PARP8: variants seen among roughly 807,000 people sequenced by gnomAD.
The protein encoded by PARP8 is poly(ADP-ribose) polymerase family member 8.
PARP8 carries 51 observed loss-of-function variants against 124.1 expected under a neutral mutation model. The observed-to-expected ratio is 0.41, with a 90% CI of 0.33 to 0.52. The LOEUF (loss-of-function observed/expected upper bound fraction) is 0.52. Ranked by LOEUF, PARP8 falls within the 20% of genes least tolerant of loss-of-function variation. The pLI, the probability that PARP8 is intolerant of heterozygous loss-of-function variation, is 0.21. For synonymous variants in PARP8, 391 were observed against 361.5 expected, an observed-to-expected ratio of 1.08 and a Z score of -0.93; for missense variants, 860 against 1,018.9, an observed-to-expected ratio of 0.84 and a Z score of 2.12.
At chr5:50,811,892 T>TGAA (rs1744494048) in intron 14 of PARP8, among the ~76,000 whole-genome samples, 1 of 152,186 alleles carries the variant, frequency 6.6e-6, no homozygotes, top group African/African-American at 2.4e-5. Flanking sequence ...TCCAGCTTCA[T>TGAA]CCATGTTGCT....
Position 50,845,948 on chromosome 5 carries a change from G to T in PARP8, c.*3880G>T, listed in dbSNP as rs1414973097. 6.6e-6 allele frequency: 1 copy of T among 151,762 alleles called. No homozygotes were observed. Among genetic ancestry groups the T allele is most frequent in the East Asian group, 1.9e-4 (1 of 5,150 alleles). 9.4% of individuals were successfully genotyped at this position (151,762 alleles called of 1,614,324 possible). A position where few individuals can be genotyped will look rare whatever the true frequency, so the allele number is the denominator to read the frequency against. On this transcript the variant is annotated 3_prime_UTR_variant, in exon 26 of 26. Transcript: ENST00000281631. ...CCAGTAAATTCTTCTTGGGAATTTT[G>T]TATACATTATGGAATATTAGGATAA... is the stretch of plus-strand genomic sequence containing the variant.
chr5:50,758,974 G>A (rs1760257003), intron 3 of PARP8, among the ~76,000 whole-genome samples: 1 of 152,200 alleles, frequency 6.6e-6, no homozygotes, highest in South Asian at 2.1e-4. Context: ...AATGATAATT[G>A]TGAGACTTTA....
intron 2 of PARP8, among the ~76,000 whole-genome samples, chr5:50,684,143 T>A (rs929185729): frequency 1.1e-4 from 17 of 152,178 alleles, no homozygotes; most frequent in Non-Finnish European, 2.1e-4. Flanking sequence ...TAATCTTTCT[T>A]CTCAGTCTGA....
intron 2 of PARP8, among the ~76,000 whole-genome samples, chr5:50,716,369 C>T (rs1000875890): frequency 6.6e-6 from 1 of 152,052 alleles, no homozygotes; most frequent in Non-Finnish European, 1.5e-5. Flanking sequence ...GCGGCTTCTC[C>T]TCTGTGAAGT....
At chr5:50,778,306 A>G (rs958108964) in intron 8 of PARP8, among the ~76,000 whole-genome samples, 177 bp downstream of exon 8, 8 of 152,182 alleles carry the variant, frequency 5.3e-5, no homozygotes, top group African/African-American at 1.4e-4. Flanking sequence ...TTGTAAACAT[A>G]TATTTGCATT....
rs1182896661 is a variant in PARP8, at chr5:50,718,185, ATAATCATCAAGGAAT to A, written c.147-31963_147-31949del. ...CAAGTGAAGTTGAAGAGGTGAGAAT[ATAATCATCAAGGAAT>A]TACACAGTTGTGACCAGTTGAAAAT... On this transcript the variant is annotated intron_variant, in intron 2 of 25. Transcript: ENST00000281631. 2.0e-5 allele frequency among the ~76,000 whole-genome samples: 3 copies of A among 152,066 alleles called. No individual in the cohort carries two copies. In the East Asian group the frequency reaches 5.8e-4, roughly 29 times the overall value.
At chr5:50,821,451 A>G in intron 16 of PARP8, 113 bp downstream of exon 16, 1 of 1,171,994 alleles carries the variant, frequency 8.5e-7, no homozygotes, top group Non-Finnish European at 1.2e-6. Flanking sequence ...TATCTCATCA[A>G]GCATATCCAT....
intron 2 of PARP8, among the ~76,000 whole-genome samples, chr5:50,683,030 A>G (rs867266769): frequency 6.6e-6 from 1 of 152,114 alleles, no homozygotes. Context: ...GGAAGGGCTG[A>G]AAAGGAACCT....
At chr5:50,743,193 A>G (rs1758228908) in intron 2 of PARP8, among the ~76,000 whole-genome samples, 2 of 152,102 alleles carry the variant, frequency 1.3e-5, no homozygotes, top group African/African-American at 4.8e-5. Context: ...CGTTGTCCAA[A>G]TGGATGGGAG....
chr5:50,672,302 G>C (rs984048377), intron 2 of PARP8, among the ~76,000 whole-genome samples: 1 of 152,152 alleles, frequency 6.6e-6, no homozygotes, highest in African/African-American at 2.4e-5. Context: ...TCTCTCCTAT[G>C]CGTTGCAGTT....
At chr5:50,670,318 A>G (rs1036195907) in intron 2 of PARP8, among the ~76,000 whole-genome samples, 26 of 152,194 alleles carry the variant, frequency 1.7e-4, no homozygotes, top group African/African-American at 6.3e-4. Flanking sequence ...TTTAACTACC[A>G]TTTCATCTAA....
intron 7 of PARP8, among the ~76,000 whole-genome samples, chr5:50,777,145 TTGA>T (rs1320167195): frequency 3.9e-5 from 6 of 152,226 alleles, no homozygotes; most frequent in African/African-American, 1.4e-4. Context: ...AGAGTGATGA[TTGA>T]TAAGTTACTT....
chr5:50,835,238 A>T (rs1747434827), intron 25 of PARP8, among the ~76,000 whole-genome samples: 1 of 152,176 alleles, frequency 6.6e-6, no homozygotes, highest in Admixed American at 6.5e-5. Context: ...CTGTTAACTT[A>T]CAACTAAAAA....
At position 50,682,890 on chromosome 5, in the gene PARP8, C is replaced by T. The variant is rs1361770899; in HGVS notation, c.146+14765C>T. Reference sequence around the variant, plus strand: ...CAAGTGTGATTAACGTTTTTTCCCCCCTTCCTGAACTAATATAGGAACATA... The same window carrying T: ...CAAGTGTGATTAACGTTTTTTCCCCTCTTCCTGAACTAATATAGGAACATA... On this transcript the variant is annotated intron_variant, in intron 2 of 25. Transcript: ENST00000281631. Among the ~76,000 whole-genome samples the T allele has an allele frequency of 2.0e-5, 3 of 152,166 alleles. No individual in the cohort carries two copies. In the East Asian group the frequency reaches 5.8e-4, roughly 29 times the overall value.
chr5:50,759,173 C>T (rs1477721533), intron 3 of PARP8, among the ~76,000 whole-genome samples: 2 of 152,088 alleles, frequency 1.3e-5, no homozygotes, highest in Non-Finnish European at 2.9e-5. Context: ...CCTGCCTAGG[C>T]CTCCCAAAGA....
At chr5:50,777,460 A>G (rs2149608427) in intron 7 of PARP8, among the ~76,000 whole-genome samples, 1 of 152,292 alleles carries the variant, frequency 6.6e-6, no homozygotes, top group Admixed American at 6.5e-5. Flanking sequence ...TCGCTTAAGA[A>G]GTATGTTGGT....
intron 22 of PARP8, among the ~76,000 whole-genome samples, chr5:50,831,086 A>G (rs1470598310): frequency 6.6e-6 from 1 of 152,224 alleles, no homozygotes; most frequent in Non-Finnish European, 1.5e-5. Flanking sequence ...TAGAAATACT[A>G]AAAGAAATCA....
rs887420375 is a variant in PARP8 at position 50,842,507 on chromosome 5, A to G, written c.*439A>G. 1 of 157,888 alleles carries G rather than the reference A, an allele frequency of 6.3e-6. No homozygotes were observed. The highest frequency in any genetic ancestry group is 1.4e-5 in the Non-Finnish European group (1 of 71,836). 9.8% of individuals were successfully genotyped at this position (157,888 alleles called of 1,614,324 possible). A position where few individuals can be genotyped will look rare whatever the true frequency, so the allele number is the denominator to read the frequency against. ...CTGTTTGCACATTCTGATGTGCTAT[A>G]TCATTAGTAGTATGGGCATTCTAAT... On this transcript the variant is annotated 3_prime_UTR_variant, in exon 26 of 26. Coordinates refer to ENST00000281631, the MANE Select transcript of PARP8 (RefSeq NM_024615.4).
At position 50,825,814 on chromosome 5, in the gene PARP8, G is replaced by C. The variant is rs147040335; in HGVS notation, c.1928+839G>C. ...CGACCAGGAAGTTTTAAAAAAATAT[G>C]TAAAGGTGGGCAGATGCAAAAGAAT... On this transcript the variant is annotated intron_variant, in intron 18 of 25. Transcript: ENST00000281631. Among the ~76,000 whole-genome samples the C allele has an allele frequency of 2.0e-3, 300 of 152,246 alleles. 3 individuals carry two copies. Among genetic ancestry groups the C allele is most frequent in the African/African-American group, 6.8e-3 (284 of 41,570 alleles).
Sources: gnomAD v4.1 joint callset for allele counts (sites outside exome capture counted in the v4.1 genomes callset) on GRCh38, gnomAD v4.1.1 for gene constraint, MANE v1.5 for transcripts, NCBI Gene and HGNC (gene_info 2026-07-23, HGNC 2026-07-21) for gene names.